The following SEPTIN4 variants were observed in gnomAD, a reference collection of about 807,000 sequenced individuals.
SEPTIN4 encodes the protein septin-4.
A neutral mutation model predicts 107.1 loss-of-function variants in SEPTIN4; 52 were observed. The observed-to-expected ratio is 0.49, with a 90% confidence interval of 0.39 to 0.61. SEPTIN4 has a LOEUF of 0.61. Among genes scored for constraint, SEPTIN4 ranks in the 20% least tolerant of loss-of-function variants. The probability of loss-of-function intolerance (pLI) is 0.00; values close to 1 mark genes in which losing one functional copy is unlikely to be tolerated. For synonymous variants in SEPTIN4, 417 were observed against 467.0 expected (o/e 0.89, Z 1.38); for missense variants, 1,048 against 1,243.5 (o/e 0.84, Z 2.36).
intron 3 of SEPTIN4, chr17:58,527,383 CAG>C (rs1041653325): frequency 1.2e-4 from 43 of 369,736 alleles, no homozygotes; most frequent in African/African-American, 8.4e-4. Context: ...ATAGAGCAGA[CAG>C]AGGCATTAAA....
In SEPTIN4 at chr17:58,542,900, G is replaced by C; in HGVS notation, c.1287C>G (p.Pro429=). The C allele has an allele frequency of 1.2e-6, 2 of 1,614,198 alleles. No homozygotes were observed. The highest frequency in any genetic ancestry group is 1.7e-6 in the Non-Finnish European group (2 of 1,180,034). Residue 429 remains proline (P), a synonymous_variant, in exon 1 of 14, where the codon CCC becomes CCG. Transcript: ENST00000672673. ...PRYGPDSSWW[P]LLNPEVETPQ... Reference sequence around the variant, plus strand: ...GTGTTTCAACTTCAGGATTCAGCAAGGGCCACCATGAGGAGTCAGGTCCGT... The same window carrying C: ...GTGTTTCAACTTCAGGATTCAGCAACGGCCACCATGAGGAGTCAGGTCCGT...
chr17:58,522,856 G>A (rs1453863043), intron 7 of SEPTIN4, among the ~76,000 whole-genome samples: 4 of 151,842 alleles, frequency 2.6e-5, no homozygotes, highest in Non-Finnish European at 4.4e-5. Flanking sequence ...TCTCTTCCAC[G>A]AAGTCTCCTT....
chr17:58,544,019 T>C lies in SEPTIN4; in HGVS notation c.168A>G (p.Ala56=). Residue 56 remains alanine, a synonymous_variant, in exon 1 of 14, where the codon GCA becomes GCG. Coordinates refer to ENST00000672673, the MANE Select transcript of SEPTIN4 (RefSeq NM_001368771.2). ...ATGCTGAATGGGGAGTGGTGGGATG[T>C]GCAGCTTCTGATCTTCGGTGGGAAG... ...LNPSHRRSEA[A]HPTTPHSASD... 2 of 1,614,076 alleles carry C rather than the reference T, an allele frequency of 1.2e-6. No individual in the cohort carries two copies. The highest frequency in any genetic ancestry group is 1.7e-6 in the Non-Finnish European group (2 of 1,179,966).
chr17:58,541,802 A>G lies in SEPTIN4; in HGVS notation c.1606+120T>C, dbSNP rs912593290. 4.4e-6 allele frequency: 7 copies of G among 1,607,962 alleles called. No homozygotes were observed. In the Admixed American group the frequency reaches 1.0e-4, roughly 23 times the overall value. On this transcript the variant is annotated intron_variant, in intron 2 of 13. Transcript: ENST00000672673. The stretch of plus-strand genomic sequence containing the variant: ...AGAAGTTCCTCTGCTTCTTCAGGTC[A>G]AAATCCCAGCATTTATCTCCTAAAC...
intron 7 of SEPTIN4, among the ~76,000 whole-genome samples, chr17:58,522,398 C>G (rs540086001): frequency 1.3e-5 from 2 of 152,106 alleles, no homozygotes; most frequent in South Asian, 4.1e-4. Context: ...GGTGGCTTAC[C>G]CCTGTAATCC....
intron 4 of SEPTIN4, 111 bp downstream of exon 4, chr17:58,526,570 AC>A: frequency 1.4e-6 from 2 of 1,426,562 alleles, no homozygotes; most frequent in South Asian, 1.6e-5. Flanking sequence ...ACACACACAC[AC>A]AAACACACAC....
At chr17:58,535,921 C>T (rs928123727) in intron 3 of SEPTIN4, among the ~76,000 whole-genome samples, 1 of 152,188 alleles carries the variant, frequency 6.6e-6, no homozygotes. Context: ...TGAGGCTCTG[C>T]GCTTCATTGA....
At chr17:58,524,816 C>T (rs1044750076) in intron 7 of SEPTIN4, 3 of 350,704 alleles carry the variant, frequency 8.6e-6, no homozygotes, top group African/African-American at 6.4e-5. Context: ...GATACTTCCG[C>T]CTCAGCCTCT....
intron 4 of SEPTIN4, 109 bp downstream of exon 4, chr17:58,526,573 A>AACAT: frequency 1.5e-6 from 2 of 1,302,208 alleles, no homozygotes; most frequent in Non-Finnish European, 2.0e-6. Flanking sequence ...CACACACACA[A>AACAT]ACACACACAC....
At chr17:58,534,035 G>A (rs768961038) in intron 3 of SEPTIN4, among the ~76,000 whole-genome samples, 32 of 152,322 alleles carry the variant, frequency 2.1e-4, no homozygotes, top group Admixed American at 7.8e-4. Flanking sequence ...CTCAGCTGTG[G>A]CTGGAATCCC....
At chr17:58,525,307 T>G (rs1033954073) in intron 6 of SEPTIN4, 106 bp from the exon 7 acceptor site, 14 of 1,374,084 alleles carry the variant, frequency 1.0e-5, no homozygotes, top group African/African-American at 1.4e-5. Flanking sequence ...TAATCCACAC[T>G]GCCCCCTTCT....
At chr17:58,527,273 G>T in intron 3 of SEPTIN4, 1 of 591,952 alleles carries the variant, frequency 1.7e-6, no homozygotes, top group South Asian at 1.6e-5. Context: ...TCCAGTTCTG[G>T]TCTCCTTCTC....
At chr17:58,525,033 A>G (rs764658049) in intron 7 of SEPTIN4, 45 bp downstream of exon 7, 1 of 1,612,942 alleles carries the variant, frequency 6.2e-7, no homozygotes, top group East Asian at 2.2e-5. Flanking sequence ...GTGTATGGAG[A>G]AGGGTGGCTC....
At position 58,525,160 on chromosome 17, in the gene SEPTIN4, C is replaced by A; in HGVS notation, c.2134G>T (p.Asp712Tyr). The A allele has an allele frequency of 6.2e-7, 1 of 1,614,178 alleles. No individual in the cohort carries two copies. Among genetic ancestry groups the A allele is most frequent in the South Asian group, 1.1e-5 (1 of 91,080 alleles). Residue 712 changes from aspartate to tyrosine, a missense_variant, in exon 7 of 14, where the codon GAC (aspartate) becomes TAC (tyrosine). Physicochemically the swap from Asp to Tyr is radical, Grantham distance 160 (BLOSUM62 -3). Transcript: ENST00000672673. Reference sequence around the variant, plus strand: ...AGCCTCACACCCTTCTCTTCTATGTCCACTGCATGCTTAGTGATCTCCACA... The same window carrying A: ...AGCCTCACACCCTTCTCTTCTATGTACACTGCATGCTTAGTGATCTCCACA... ...QTVEITKHAV[D>Y]IEEKGVRLRL...
chr17:58,531,468 C>G lies in SEPTIN4; in HGVS notation c.1615-4490G>C, dbSNP rs565002518. On this transcript the variant is annotated intron_variant, in intron 3 of 13. Coordinates refer to ENST00000672673, the MANE Select transcript of SEPTIN4 (RefSeq NM_001368771.2). ...TTGTCAGGCTGAGGGAAGGAGGGGCCAAGCGTCTTACCATCCCTCCTGGTG... is the reference window on the plus strand; with the variant it reads ...TTGTCAGGCTGAGGGAAGGAGGGGCGAAGCGTCTTACCATCCCTCCTGGTG... 2.6e-5 allele frequency: 4 copies of G among 152,530 alleles called. No individual in the cohort carries two copies. The East Asian group carries it at 7.7e-4, about 29-fold the overall frequency. 9.4% of individuals were successfully genotyped at this position (152,530 alleles called of 1,614,324 possible).
At chr17:58,541,301 G>C (rs2043868982) in intron 2 of SEPTIN4, among the ~76,000 whole-genome samples, 1 of 152,158 alleles carries the variant, frequency 6.6e-6, no homozygotes, top group African/African-American at 2.4e-5. Flanking sequence ...TTTACTCCTT[G>C]AGGTCTTGTC....
Position 58,520,861 on chromosome 17 carries a change from T to C in SEPTIN4, c.2832-19A>G. On this transcript the variant is annotated intron_variant, in intron 12 of 13. Transcript: ENST00000672673. ...CAGTTTGCTAAAGGGAGAAAAGGGT[T>C]GATAAGGCGAGGAGGACCCCAGCAC... is the stretch of plus-strand genomic sequence containing the variant. 1 of 1,613,908 alleles carries C rather than the reference T, an allele frequency of 6.2e-7. No individual in the cohort carries two copies. Among genetic ancestry groups the C allele is most frequent in the Non-Finnish European group, 8.5e-7 (1 of 1,179,956 alleles).
rs2043778729 is a variant in SEPTIN4 at position 58,538,100 on chromosome 17, G to A, written c.1614+2566C>T. ...ACAGAACACTTTAAAAAAAAGCGAG[G>A]GAGGGTTCCTTTCACATAGCCCATG... On this transcript the variant is annotated intron_variant, in intron 3 of 13. Transcript: ENST00000672673. This position sits in a 1 kb window ranked among gnomAD's most constrained non-coding sequence, Gnocchi z 4.7. Among the ~76,000 whole-genome samples, 1 of 152,146 alleles carries A rather than the reference G, an allele frequency of 6.6e-6. No homozygotes were observed. Among genetic ancestry groups the A allele is most frequent in the Admixed American group, 6.6e-5 (1 of 15,264 alleles).
chr17:58,521,681 A>G lies in SEPTIN4; in HGVS notation c.2470-35T>C. On this transcript the variant is annotated intron_variant, in intron 9 of 13. Transcript: ENST00000672673. The surrounding 1 kb of genome is among the most constrained non-coding windows in gnomAD (Gnocchi z 6.4). ...AGATGAGGGGCCCACAGTTCTGGGG[A>G]CCACATCCTTTCTAGAAGCCCACCT... The G allele has an allele frequency of 6.2e-7, 1 of 1,614,228 alleles. No individual in the cohort carries two copies. The highest frequency in any genetic ancestry group is 8.5e-7 in the Non-Finnish European group (1 of 1,180,024).
Sources: allele counts gnomAD v4.1 joint callset (sites outside exome capture counted in the v4.1 genomes callset), GRCh38; gene constraint gnomAD v4.1.1; non-coding constraint Gnocchi (gnomAD v3.1); transcripts MANE v1.5; gene names NCBI Gene and HGNC (gene_info 2026-07-23, HGNC 2026-07-21).